NTAQ1: variants seen among roughly 807,000 people sequenced by gnomAD.
NTAQ1 encodes the protein protein N-terminal glutamine amidohydrolase.
A neutral mutation model predicts 28.2 loss-of-function variants in NTAQ1; 21 were observed. The ratio of observed to expected loss-of-function variants is 0.74; its 90% confidence interval spans 0.53 to 1.07. The LOEUF (loss-of-function observed/expected upper bound fraction) is 1.07, where lower values mean the gene tolerates loss of function less well. Ranked by LOEUF, NTAQ1 falls within the 50% of genes least tolerant of loss-of-function variation. The pLI is 0.00. For missense variants in NTAQ1, 264 were observed against 256.6 expected, an observed-to-expected ratio of 1.03 and a Z score of -0.20; for synonymous variants, 105 against 90.0, an observed-to-expected ratio of 1.17 and a Z score of -0.94.
intron 6 of NTAQ1, among the ~76,000 whole-genome samples, chr8:123,459,162 T>G (rs576772391): frequency 1.3e-5 from 2 of 151,382 alleles, no homozygotes; most frequent in South Asian, 4.2e-4. Flanking sequence ...GGAGGATCTG[T>G]TTGAGCCCAG....
intron 1 of NTAQ1, among the ~76,000 whole-genome samples, chr8:123,425,489 C>T (rs1451743240): frequency 6.7e-6 from 1 of 148,304 alleles, no homozygotes; most frequent in East Asian, 2.0e-4. Flanking sequence ...TTTTTTTAAC[C>T]ACAACCATCA....
intron 2 of NTAQ1, among the ~76,000 whole-genome samples, 179 bp downstream of exon 2, chr8:123,428,202 C>T (rs780919732): frequency 6.6e-6 from 1 of 151,956 alleles, no homozygotes; most frequent in Non-Finnish European, 1.5e-5. Flanking sequence ...TTACAAGGCA[C>T]GATTGAGTTA....
intron 1 of NTAQ1, among the ~76,000 whole-genome samples, chr8:123,417,309 T>C (rs1213415978): frequency 1.3e-5 from 2 of 152,130 alleles, no homozygotes; most frequent in East Asian, 3.8e-4. Flanking sequence ...TTTAATTTTG[T>C]AAGAGAATGA....
intron 3 of NTAQ1, among the ~76,000 whole-genome samples, chr8:123,432,949 G>T (rs1814487671): frequency 6.6e-6 from 1 of 152,134 alleles, no homozygotes. Flanking sequence ...CAAATTGCTG[G>T]GAGTACAGGC....
At chr8:123,445,321 C>T (rs1815233827), downstream of NTAQ1, among the ~76,000 whole-genome samples, 1 of 150,616 alleles carries the variant, frequency 6.6e-6, no homozygotes, top group Non-Finnish European at 1.5e-5. Context: ...CTGTATTTTA[C>T]TTTTTTCCCT....
rs753331153 is a variant in NTAQ1, at chr8:123,429,967, G to A, written c.184-16G>A. On this transcript the variant is annotated splice_polypyrimidine_tract_variant and intron_variant, in intron 2 of 5. Transcript: ENST00000287387. ...TAACTAAAGGTATGGCTTACGAAAT[G>A]TATTGTATTTTGTAGATACCTATCT... 19 of 1,590,670 alleles carry A rather than the reference G, an allele frequency of 1.2e-5. No individual in the cohort carries two copies. The highest frequency in any genetic ancestry group is 1.6e-5 in the Non-Finnish European group (19 of 1,165,100).
chr8:123,439,921 T>C (rs1025268350), intron 5 of NTAQ1, among the ~76,000 whole-genome samples: 1 of 151,852 alleles, frequency 6.6e-6, no homozygotes, highest in Non-Finnish European at 1.5e-5. Context: ...ACCACTGCAC[T>C]CTAGCCTGGG....
downstream of NTAQ1, among the ~76,000 whole-genome samples, chr8:123,472,534 A>G (rs1425669440): frequency 2.0e-5 from 3 of 152,046 alleles, no homozygotes; most frequent in African/African-American, 7.3e-5. Flanking sequence ...GTTCCTGGCA[A>G]TCCTGGTGTT....
chr8:123,443,469 A>G (rs1447323330), downstream of NTAQ1, among the ~76,000 whole-genome samples: 1 of 152,244 alleles, frequency 6.6e-6, no homozygotes, highest in Non-Finnish European at 1.5e-5. Context: ...TTTTACCTTC[A>G]GCTTGCCCTT....
chr8:123,437,142 ATAAAAATGGAG>A (rs1188973963), intron 4 of NTAQ1, 57 bp from the exon 5 acceptor site: 3 of 1,589,124 alleles, frequency 1.9e-6, no homozygotes, highest in Non-Finnish European at 2.6e-6. Context: ...ATGAGTCGAT[ATAAAAATGGAG>A]TTAGAATTTC....
downstream of NTAQ1, among the ~76,000 whole-genome samples, chr8:123,443,272 C>T (rs567149196): frequency 3.3e-5 from 5 of 152,030 alleles, no homozygotes; most frequent in South Asian, 2.1e-4. Flanking sequence ...TGCCTGGCTC[C>T]GCCTCCCAAT....
intron 2 of NTAQ1, among the ~76,000 whole-genome samples, chr8:123,428,864 T>C (rs998151821): frequency 2.0e-5 from 3 of 152,172 alleles, no homozygotes; most frequent in Non-Finnish European, 4.4e-5. Context: ...GGCCTCCCAA[T>C]GTGGTGGGAT....
intron 2 of NTAQ1, among the ~76,000 whole-genome samples, chr8:123,429,739 G>T (rs545434708): frequency 6.6e-6 from 1 of 152,188 alleles, no homozygotes; most frequent in Admixed American, 6.5e-5. Flanking sequence ...AATTAGCTGG[G>T]TGTGGTGGCA....
chr8:123,461,689 C>T (rs1815828688), intron 6 of NTAQ1, among the ~76,000 whole-genome samples: 1 of 152,092 alleles, frequency 6.6e-6, no homozygotes, highest in South Asian at 2.1e-4. Flanking sequence ...ACCTTGATAA[C>T]TTTGTATATT....
intron 1 of NTAQ1, among the ~76,000 whole-genome samples, chr8:123,419,081 GTTTTTT>G (rs762479894): frequency 1.7e-5 from 2 of 119,932 alleles, no homozygotes; most frequent in African/African-American, 6.8e-5. Context: ...AGCTTTGGGG[GTTTTTT>G]TTTTTTTTTT....
chr8:123,443,534 G>A (rs901713840), downstream of NTAQ1, among the ~76,000 whole-genome samples: 33 of 152,166 alleles, frequency 2.2e-4, no homozygotes, highest in African/African-American at 1.9e-4. Context: ...CTACTTTGGG[G>A]CTTGCCTGCT....
At chr8:123,458,477 G>T (rs991740467) in intron 6 of NTAQ1, among the ~76,000 whole-genome samples, 6 of 152,110 alleles carry the variant, frequency 3.9e-5, no homozygotes, top group Non-Finnish European at 8.8e-5. Flanking sequence ...AGCTGTCTGT[G>T]TGCTGGTCAG....
Position 123,441,492 on chromosome 8 carries a change from A to T in NTAQ1, c.*77A>T. The T allele has an allele frequency of 8.8e-7, 1 of 1,130,792 alleles. No individual in the cohort carries two copies. Among genetic ancestry groups the T allele is most frequent in the Non-Finnish European group, 1.3e-6 (1 of 760,632 alleles). The allele number at this position is 1,130,792 out of a possible 1,614,324, so 70.0% of individuals were successfully genotyped here. A position where few individuals can be genotyped will look rare whatever the true frequency, so the allele number is the denominator to read the frequency against. On this transcript the variant is annotated 3_prime_UTR_variant, in exon 6 of 6. Transcript: ENST00000287387. Reference sequence around the variant, plus strand: ...TATCCTTTCATCGAGGACAGCAAACATTATGGTACAGTTGGCTTGGAATTA... The same window carrying T: ...TATCCTTTCATCGAGGACAGCAAACTTTATGGTACAGTTGGCTTGGAATTA...
chr8:123,474,242 T>C (rs113259988), downstream of NTAQ1, among the ~76,000 whole-genome samples: 104 of 152,316 alleles, frequency 6.8e-4, no homozygotes, highest in African/African-American at 2.5e-3. Flanking sequence ...CAAACCTTGA[T>C]CTCCAATTGA....
Sources: allele counts gnomAD v4.1 joint callset (sites outside exome capture counted in the v4.1 genomes callset), GRCh38; gene constraint gnomAD v4.1.1; transcripts MANE v1.5; gene names NCBI Gene and HGNC (gene_info 2026-07-23, HGNC 2026-07-21).